The following PTPRD variants were observed in gnomAD, a reference collection of about 807,000 sequenced individuals.
PTPRD encodes the protein protein tyrosine phosphatase receptor type D.
PTPRD carries 34 observed loss-of-function variants against 214.5 expected under a neutral mutation model. The observed-to-expected ratio is 0.16, with a 90% CI of 0.12 to 0.21. The LOEUF (loss-of-function observed/expected upper bound fraction) is 0.21. Among genes scored for constraint, PTPRD ranks in the 10% least tolerant of loss-of-function variants. PTPRD has a pLI of 1.00. For synonymous variants in PTPRD, 1,128 were observed against 845.7 expected, an observed-to-expected ratio of 1.33 and a Z score of -5.79; for missense variants, 2,545 against 2,398.7, an observed-to-expected ratio of 1.06 and a Z score of -1.27.
At chr9:8,390,320 T>C (rs929559947) in intron 36 of PTPRD, among the ~76,000 whole-genome samples, 18 of 152,130 alleles carry the variant, frequency 1.2e-4, no homozygotes, top group African/African-American at 4.3e-4. Flanking sequence ...ACTCACCTCC[T>C]TGCCTTTAAA....
In PTPRD at chr9:8,331,566, A is replaced by C. The variant is rs113186244; in HGVS notation, c.5534+16T>G. The stretch of plus-strand genomic sequence containing the variant: ...ACCACCACTTATCACTGCTTTATTC[A>C]CAAATGGAAACTTACCTGCAATGGA... On this transcript the variant is annotated intron_variant, in intron 44 of 45. Coordinates refer to ENST00000381196, the MANE Select transcript of PTPRD (RefSeq NM_002839.4). 17 of 873,900 alleles carry C rather than the reference A, an allele frequency of 1.9e-5. No homozygotes were observed. The South Asian group carries it at 3.6e-4, about 18-fold the overall frequency. The allele number at this position is 873,900 out of a possible 1,614,324, so 54.1% of individuals were successfully genotyped here.
At chr9:8,886,567 G>A (rs4740967) in intron 11 of PTPRD, among the ~76,000 whole-genome samples, 130,241 of 152,164 alleles carry the variant, frequency 0.86, 55,861 homozygotes, top group South Asian at 0.9. Flanking sequence ...TTGATTTCTC[G>A]AGTTTTCTTA....
intron 14 of PTPRD, among the ~76,000 whole-genome samples, chr9:8,538,962 G>A (rs527453826): frequency 5.3e-4 from 80 of 151,906 alleles, no homozygotes; most frequent in African/African-American, 1.9e-3. Context: ...AACAAGCAAG[G>A]AATGAGAACA....
chr9:10,458,734 G>A (rs2098936237), intron 2 of PTPRD, among the ~76,000 whole-genome samples: 1 of 152,062 alleles, frequency 6.6e-6, no homozygotes, highest in South Asian at 2.1e-4. Flanking sequence ...AGTAAAAAAG[G>A]AAGAAGAAAA....
At chr9:8,536,404 T>C (rs1425279288) in intron 14 of PTPRD, among the ~76,000 whole-genome samples, 4 of 151,662 alleles carry the variant, frequency 2.6e-5, no homozygotes, top group African/African-American at 9.7e-5. Flanking sequence ...TATATATACA[T>C]ACATACACAC....
At chr9:8,606,283 C>A (rs550124453) in intron 14 of PTPRD, among the ~76,000 whole-genome samples, 1 of 152,256 alleles carries the variant, frequency 6.6e-6, no homozygotes, top group African/African-American at 2.4e-5. Context: ...AGGCATGATT[C>A]TACAATTAGA....
chr9:9,637,693 G>A (rs768974923), intron 7 of PTPRD, among the ~76,000 whole-genome samples: 1 of 152,132 alleles, frequency 6.6e-6, no homozygotes, highest in Non-Finnish European at 1.5e-5. Context: ...TGGCTCTATA[G>A]TTCTGGGGTC....
Position 10,132,318 on chromosome 9 carries a change from T to C in PTPRD, c.-544-98528A>G, listed in dbSNP as rs184466816. 2.7e-4 allele frequency among the ~76,000 whole-genome samples: 41 copies of C among 152,280 alleles called. No homozygotes were observed. In the East Asian group the frequency reaches 7.5e-3, roughly 28 times the overall value. On this transcript the variant is annotated intron_variant, in intron 3 of 45. Coordinates refer to ENST00000381196, the MANE Select transcript of PTPRD (RefSeq NM_002839.4). ...TTGTTTAATATATCATTGATTATTCTAAGGCAAATAGATTCTCAGACAGAA... is the reference window on the plus strand; with the variant it reads ...TTGTTTAATATATCATTGATTATTCCAAGGCAAATAGATTCTCAGACAGAA...
intron 2 of PTPRD, among the ~76,000 whole-genome samples, chr9:10,388,169 T>G (rs923153854): frequency 6.6e-6 from 1 of 151,794 alleles, no homozygotes; most frequent in African/African-American, 2.4e-5. Flanking sequence ...TAAATTACAA[T>G]GCAATACAAA....
At chr9:9,839,905 T>C (rs2057854497) in intron 5 of PTPRD, among the ~76,000 whole-genome samples, 1 of 152,098 alleles carries the variant, frequency 6.6e-6, no homozygotes, top group African/African-American at 2.4e-5. Context: ...TATATTGATA[T>C]GCATTTTTAA....
intron 12 of PTPRD, among the ~76,000 whole-genome samples, chr9:8,638,400 T>A (rs1301599120): frequency 6.6e-6 from 1 of 152,178 alleles, no homozygotes; most frequent in Non-Finnish European, 1.5e-5. Context: ...CGGATTCCTA[T>A]CTAAGCTCCA....
At chr9:8,921,934 A>C (rs1588079169) in intron 11 of PTPRD, among the ~76,000 whole-genome samples, 1 of 152,206 alleles carries the variant, frequency 6.6e-6, no homozygotes, top group Non-Finnish European at 1.5e-5. Context: ...GACACAGAAG[A>C]AGAGGAGGCA....
At chr9:9,305,006 A>C (rs544775411) in intron 9 of PTPRD, among the ~76,000 whole-genome samples, 1 of 148,310 alleles carries the variant, frequency 6.7e-6, no homozygotes, top group African/African-American at 2.5e-5. Flanking sequence ...TTTGTCCACT[A>C]GTTCCCTTAG....
chr9:8,741,744 C>T (rs2091989528), intron 11 of PTPRD, among the ~76,000 whole-genome samples: 1 of 151,726 alleles, frequency 6.6e-6, no homozygotes, highest in South Asian at 2.1e-4. Flanking sequence ...GCACACATCA[C>T]CATGCCAAGC....
At position 9,074,818 on chromosome 9, in the gene PTPRD, A is replaced by G. The variant is rs548446070; in HGVS notation, c.-142-56083T>C. ...ATTTTCTACCATATATATGTAAAAT[A>G]TAACATGTAAAATAATCAGTTTTAG... On this transcript the variant is annotated intron_variant, in intron 10 of 45. Transcript: ENST00000381196. 2.4e-4 allele frequency among the ~76,000 whole-genome samples: 37 copies of G among 151,942 alleles called. 1 individual carries two copies. In the South Asian group the frequency reaches 5.8e-3, roughly 24 times the overall value.
intron 9 of PTPRD, among the ~76,000 whole-genome samples, chr9:9,323,591 T>C (rs565220547): frequency 3.3e-5 from 5 of 152,284 alleles, no homozygotes; most frequent in African/African-American, 1.2e-4. Flanking sequence ...AGAACCATCA[T>C]ACTATCTTAT....
chr9:9,052,763 T>G (rs915259347), intron 10 of PTPRD, among the ~76,000 whole-genome samples: 1 of 152,218 alleles, frequency 6.6e-6, no homozygotes, highest in African/African-American at 2.4e-5. Context: ...AATGGATAAC[T>G]TTACAGTTTG....
intron 14 of PTPRD, among the ~76,000 whole-genome samples, chr9:8,606,668 C>T (rs774431562): frequency 2.6e-5 from 4 of 152,122 alleles, no homozygotes; most frequent in Non-Finnish European, 5.9e-5. Context: ...TCCTAAACAC[C>T]TCCACCCCTT....
At chr9:9,278,690 T>G (rs893663419) in intron 9 of PTPRD, among the ~76,000 whole-genome samples, 1 of 151,376 alleles carries the variant, frequency 6.6e-6, no homozygotes, top group Non-Finnish European at 1.5e-5. Context: ...CCAGACATTT[T>G]AGTGTCAGTC....
Sources: gnomAD v4.1 joint callset for allele counts (sites outside exome capture counted in the v4.1 genomes callset) on GRCh38, gnomAD v4.1.1 for gene constraint, MANE v1.5 for transcripts, NCBI Gene and HGNC (gene_info 2026-07-23, HGNC 2026-07-21) for gene names.